FGF1: variants seen among roughly 807,000 people sequenced by gnomAD.
The protein encoded by FGF1 is beta-endothelial cell growth factor.
Under a neutral mutation model 13.4 loss-of-function variants are expected in FGF1, and 9 were observed. The ratio of observed to expected loss-of-function variants is 0.67; its 90% CI spans 0.40 to 1.17. The LOEUF is 1.17. Among genes scored for constraint, FGF1 ranks in the 50% most tolerant of loss-of-function variants. The pLI is 0.01. For synonymous variants in FGF1, 93 were observed against 79.0 expected, an observed-to-expected ratio of 1.18 and a Z score of -0.94; for missense variants, 156 against 192.7, an observed-to-expected ratio of 0.81 and a Z score of 1.13.
At chr5:142,613,441 G>C (rs543393931) in intron 2 of FGF1, among the ~76,000 whole-genome samples, 1 of 152,256 alleles carries the variant, frequency 6.6e-6, no homozygotes, top group Non-Finnish European at 1.5e-5. Flanking sequence ...ACATCTGCGT[G>C]ATACGCAGAG....
chr5:142,685,728 AGAGCAGTC>A (rs1388296438), intron 1 of FGF1: 1 of 152,226 alleles, frequency 6.6e-6, no homozygotes, highest in Non-Finnish European at 1.5e-5. Flanking sequence ...CCCTTCCCCC[AGAGCAGTC>A]TGCACCATGG....
intron 1 of FGF1, among the ~76,000 whole-genome samples, chr5:142,658,337 C>T (rs1768541794): frequency 6.6e-6 from 1 of 152,364 alleles, no homozygotes; most frequent in East Asian, 1.9e-4. Context: ...TTACCTCATT[C>T]ACAACATGGC....
chr5:142,678,484 T>A (rs1773075743), intron 1 of FGF1, among the ~76,000 whole-genome samples: 1 of 152,154 alleles, frequency 6.6e-6, no homozygotes, highest in South Asian at 2.1e-4. Flanking sequence ...AGCACCCACC[T>A]TGCTGCTTCT....
At chr5:142,674,215 G>GTTGAC (rs1772046579) in intron 1 of FGF1, among the ~76,000 whole-genome samples, 1 of 152,160 alleles carries the variant, frequency 6.6e-6, no homozygotes, top group Non-Finnish European at 1.5e-5. Context: ...CACAATCCCT[G>GTTGAC]TTGACTTGGT....
chr5:142,620,396 T>C (rs1056696984), intron 1 of FGF1, among the ~76,000 whole-genome samples: 2 of 151,734 alleles, frequency 1.3e-5, no homozygotes, highest in East Asian at 3.9e-4. Flanking sequence ...CCAGCCTGGG[T>C]GACAGAGCAA....
chr5:142,695,433 T>C (rs1015589280), intron 2 of FGF1, among the ~76,000 whole-genome samples: 1 of 151,706 alleles, frequency 6.6e-6, no homozygotes, highest in Non-Finnish European at 1.5e-5. Flanking sequence ...AATACAAAAA[T>C]TAGCTGGGTG....
At chr5:142,633,760 A>G (rs1187653534) in intron 1 of FGF1, among the ~76,000 whole-genome samples, 1 of 152,082 alleles carries the variant, frequency 6.6e-6, no homozygotes, top group Non-Finnish European at 1.5e-5. Flanking sequence ...CTATACCACC[A>G]TTAGAGGTGT....
rs1759605880 is a variant in FGF1 at position 142,613,832 on chromosome 5, C to T, written c.169+127G>A. The stretch of plus-strand genomic sequence containing the variant: ...TTTACGCATTTATGTGACTCCACCT[C>T]TGAATGTGTCATGCCTGAATAGAAC... On this transcript the variant is annotated intron_variant, in intron 2 of 3. Transcript: ENST00000337706. The T allele has an allele frequency of 7.1e-6, 7 of 992,462 alleles. No homozygotes were observed. In the South Asian group the frequency reaches 1.3e-4, roughly 19 times the overall value. 61.5% of individuals were successfully genotyped at this position (992,462 alleles called of 1,614,324 possible).
chr5:142,676,083 G>T (rs1331404105), intron 1 of FGF1, among the ~76,000 whole-genome samples: 1 of 152,160 alleles, frequency 6.6e-6, no homozygotes, highest in Non-Finnish European at 1.5e-5. Flanking sequence ...CTCCTGACAT[G>T]AGGATTTCAA....
At position 142,659,785 on chromosome 5, in the gene FGF1, G is replaced by C. The variant is rs549935359; in HGVS notation, c.-35+26172C>G. On this transcript the variant is annotated intron_variant, in intron 1 of 3. Coordinates refer to ENST00000337706, the MANE Select transcript of FGF1 (RefSeq NM_000800.5). The stretch of plus-strand genomic sequence containing the variant: ...CACAGCTGAGGGGTGCCATTGTTGT[G>C]GGAGTGATGTTTCTCAGCCTGGCCC... Among the ~76,000 whole-genome samples the C allele has an allele frequency of 4.6e-5, 7 of 152,330 alleles. No homozygotes were observed. The South Asian group carries it at 1.4e-3, about 32-fold the overall frequency.
chr5:142,675,930 A>C (rs1418397064), intron 1 of FGF1, among the ~76,000 whole-genome samples: 1 of 152,174 alleles, frequency 6.6e-6, no homozygotes, highest in Non-Finnish European at 1.5e-5. Context: ...TTGTGCATTG[A>C]GCGAAAGGGA....
chr5:142,634,195 G>GA lies in FGF1; in HGVS notation c.-34-20035dup, dbSNP rs1230194595. Among the ~76,000 whole-genome samples, 304 of 102,398 alleles carry GA rather than the reference G, an allele frequency of 3.0e-3. 5 individuals carry two copies. The East Asian group carries it at 0.036, about 12-fold the overall frequency. 67.2% of individuals were successfully genotyped at this position (102,398 alleles called of 152,430 possible). A position where few individuals can be genotyped will look rare whatever the true frequency, so the allele number is the denominator to read the frequency against. On this transcript the variant is annotated intron_variant, in intron 1 of 3. Transcript: ENST00000337706. Reference sequence around the variant, plus strand: ...GTGACAGAGCGAGACTCCATCTCAAGAAAAAAAAAAAAAAAAAACTCCCTC... The same window carrying GA: ...GTGACAGAGCGAGACTCCATCTCAAGAAAAAAAAAAAAAAAAAAACTCCCTC...
chr5:142,676,059 C>T (rs940498455), intron 1 of FGF1, among the ~76,000 whole-genome samples: 2 of 152,094 alleles, frequency 1.3e-5, no homozygotes, highest in East Asian at 1.9e-4. Flanking sequence ...ATTTCTTTCT[C>T]GGCTAGTTCT....
intron 1 of FGF1, among the ~76,000 whole-genome samples, chr5:142,679,198 C>A (rs1478314044): frequency 1.3e-5 from 2 of 152,338 alleles, no homozygotes; most frequent in Admixed American, 6.5e-5. Flanking sequence ...GGTTCTGGCT[C>A]TCCCCTTCAT....
chr5:142,602,111 C>T (rs1171196312), intron 2 of FGF1, among the ~76,000 whole-genome samples: 2 of 151,960 alleles, frequency 1.3e-5, no homozygotes, highest in Non-Finnish European at 2.9e-5. Context: ...GCAGGAGAGG[C>T]TGGAACACAC....
At chr5:142,666,828 T>A (rs1001389976) in intron 1 of FGF1, among the ~76,000 whole-genome samples, 5 of 151,900 alleles carry the variant, frequency 3.3e-5, no homozygotes, top group Non-Finnish European at 7.4e-5. Context: ...TCTCAGCTAC[T>A]CAGGAGGCTG....
chr5:142,632,688 T>C (rs778792240), intron 1 of FGF1, among the ~76,000 whole-genome samples: 3 of 152,248 alleles, frequency 2.0e-5, no homozygotes, highest in Admixed American at 6.5e-5. Flanking sequence ...AACTGTTTTA[T>C]AACCTGCTCT....
At chr5:142,657,004 A>G (rs10071375) in intron 1 of FGF1, among the ~76,000 whole-genome samples, 19,357 of 151,464 alleles carry the variant, frequency 0.13, 2,564 homozygotes, top group African/African-American at 0.33. Context: ...TGCAACCTCC[A>G]CCTCCCAGGT....
chr5:142,695,162 A>G (rs562920083), intron 2 of FGF1, among the ~76,000 whole-genome samples: 1 of 152,234 alleles, frequency 6.6e-6, no homozygotes, highest in African/African-American at 2.4e-5. Context: ...GCTAAATGGG[A>G]TAATAGCAGT....
Sources: gnomAD v4.1 joint callset for allele counts (sites outside exome capture counted in the v4.1 genomes callset) on GRCh38, gnomAD v4.1.1 for gene constraint, MANE v1.5 for transcripts, NCBI Gene and HGNC (gene_info 2026-07-23, HGNC 2026-07-21) for gene names.